Variants in L2HGDH observed in about 807,000 individuals in gnomAD.
L2HGDH encodes L-2-hydroxyglutarate dehydrogenase, also known as L-2-hydroxyglutarate dehydrogenase, mitochondrial.
L2HGDH carries 34 observed loss-of-function variants against 51.5 expected under a neutral mutation model. The ratio of observed to expected loss-of-function variants is 0.66; its 90% confidence interval spans 0.50 to 0.88. The LOEUF (loss-of-function observed/expected upper bound fraction) is 0.88, where lower values mean the gene tolerates loss of function less well. Among genes scored for constraint, L2HGDH ranks in the 40% least tolerant of loss-of-function variants. The pLI, the probability that L2HGDH is intolerant of heterozygous loss-of-function variation, is 0.00. For synonymous variants in L2HGDH, 198 were observed against 197.9 expected (o/e 1.00, Z -0.01); for missense variants, 558 against 571.9 (o/e 0.98, Z 0.25).
At chr14:50,258,927 G>A (rs997655091) in intron 9 of L2HGDH, among the ~76,000 whole-genome samples, 5 of 151,096 alleles carry the variant, frequency 3.3e-5, no homozygotes, top group East Asian at 3.9e-4. Flanking sequence ...CTGCTGCCTC[G>A]ACCACTAGGC....
chr14:50,271,539 T>C (rs925885185), intron 6 of L2HGDH, among the ~76,000 whole-genome samples: 4 of 152,286 alleles, frequency 2.6e-5, no homozygotes, highest in African/African-American at 9.6e-5. Context: ...GATACATTAG[T>C]TCAACAAAAA....
intron 2 of L2HGDH, 143 bp downstream of exon 2, chr14:50,302,759 T>TATAGCC: frequency 1.4e-6 from 1 of 702,982 alleles, no homozygotes. Context: ...TCAAATAACC[T>TATAGCC]ATAGCCATGT....
At chr14:50,278,600 A>G (rs1890099559) in intron 5 of L2HGDH, 46 bp from the exon 6 acceptor site, 1 of 1,019,700 alleles carries the variant, frequency 9.8e-7, no homozygotes, top group African/African-American at 1.6e-5. Context: ...GCAAAAGGCC[A>G]ACATTATTTG....
chr14:50,304,943 G>A (rs1447877323), intron 1 of L2HGDH, among the ~76,000 whole-genome samples: 3 of 152,166 alleles, frequency 2.0e-5, no homozygotes, highest in Non-Finnish European at 4.4e-5. Context: ...GGATCTTATA[G>A]GAACTGTAGA....
intron 9 of L2HGDH, among the ~76,000 whole-genome samples, chr14:50,263,469 AAG>A (rs1442012380): frequency 1.3e-5 from 2 of 152,228 alleles, no homozygotes; most frequent in African/African-American, 4.8e-5. Context: ...ACGCTCCCCT[AAG>A]AGAGACAGCT....
At chr14:50,282,610 A>G (rs1890333392) in intron 5 of L2HGDH, 2 of 434,348 alleles carry the variant, frequency 4.6e-6, no homozygotes, top group Non-Finnish European at 9.3e-6. Context: ...CACTACTTGT[A>G]CAACCATGGC....
intron 9 of L2HGDH, among the ~76,000 whole-genome samples, chr14:50,262,264 T>C (rs184628623): frequency 6.6e-6 from 1 of 152,082 alleles, no homozygotes; most frequent in Non-Finnish European, 1.5e-5. Flanking sequence ...ACCCTGTCTC[T>C]ATTAAAAATA....
chr14:50,300,987 G>T (rs555879375), intron 3 of L2HGDH, among the ~76,000 whole-genome samples: 2 of 152,010 alleles, frequency 1.3e-5, no homozygotes, highest in African/African-American at 4.8e-5. Context: ...ACCGCACCCG[G>T]CTAACTTTTT....
intron 6 of L2HGDH, among the ~76,000 whole-genome samples, chr14:50,270,729 A>G (rs1889630877): frequency 6.6e-6 from 1 of 151,600 alleles, no homozygotes; most frequent in Non-Finnish European, 1.5e-5. Context: ...GATGGTCTCG[A>G]TCTCCTGACC....
chr14:50,277,828 T>G (rs1890059870), intron 6 of L2HGDH, among the ~76,000 whole-genome samples: 3 of 137,676 alleles, frequency 2.2e-5, no homozygotes, highest in Non-Finnish European at 4.7e-5. Flanking sequence ...ATAATAATAA[T>G]CTGGTGGCAG....
chr14:50,243,589 C>T lies in L2HGDH; in HGVS notation c.*3469G>A, dbSNP rs1309021648. 11 of 822,012 alleles carry T rather than the reference C, an allele frequency of 1.3e-5. No homozygotes were observed. Among genetic ancestry groups the T allele is most frequent in the South Asian group, 1.1e-4 (2 of 17,758 alleles). The allele number at this position is 822,012 out of a possible 1,614,324, so 50.9% of individuals were successfully genotyped here. A position where few individuals can be genotyped will look rare whatever the true frequency, so the allele number is the denominator to read the frequency against. ...AAACCCTATTGACATACATATAAAA[C>T]GTTTTACAAGCAGAATAACCTACAT... On this transcript the variant is annotated 3_prime_UTR_variant, in exon 10 of 10. Transcript: ENST00000267436.
chr14:50,269,336 G>A lies in L2HGDH; in HGVS notation c.739-6C>T, dbSNP rs1454496016. Reference sequence around the variant, plus strand: ...TGACATCGAATTTCCTCTCCCTAGTGCAAAATAAAAGAACAGTTATTTGTA... The same window carrying A: ...TGACATCGAATTTCCTCTCCCTAGTACAAAATAAAAGAACAGTTATTTGTA... On this transcript the variant is annotated splice_polypyrimidine_tract_variant and splice_region_variant and intron_variant, in intron 6 of 9. Coordinates refer to ENST00000267436, the MANE Select transcript of L2HGDH (RefSeq NM_024884.3). The A allele has an allele frequency of 3.7e-6, 6 of 1,613,436 alleles. No homozygotes were observed. The South Asian group carries it at 6.6e-5, about 18-fold the overall frequency.
intron 7 of L2HGDH, among the ~76,000 whole-genome samples, chr14:50,268,216 T>A (rs1026893989): frequency 7.9e-5 from 12 of 151,654 alleles, no homozygotes; most frequent in African/African-American, 2.9e-4. Context: ...CCATCTCTAC[T>A]AAAAATACAA....
chr14:50,272,767 A>C (rs11157734), intron 6 of L2HGDH, among the ~76,000 whole-genome samples: 87,177 of 151,976 alleles, frequency 0.57, 25,018 homozygotes, highest in East Asian at 0.66. Context: ...ACGTAAGTTG[A>C]AGAGGCAAGT....
intron 4 of L2HGDH, among the ~76,000 whole-genome samples, chr14:50,289,127 C>G (rs1161729788): frequency 6.6e-6 from 1 of 152,152 alleles, no homozygotes; most frequent in Non-Finnish European, 1.5e-5. Context: ...CTCCTAATTT[C>G]TTAATTTTAA....
chr14:50,303,443 T>C (rs1364460997), intron 1 of L2HGDH, among the ~76,000 whole-genome samples: 1 of 143,148 alleles, frequency 7.0e-6, no homozygotes, highest in Non-Finnish European at 1.5e-5. Context: ...CCTGTGCTGT[T>C]TGGTTTCACA....
intron 3 of L2HGDH, among the ~76,000 whole-genome samples, chr14:50,298,535 G>C (rs374415681): frequency 6.6e-6 from 1 of 152,004 alleles, no homozygotes; most frequent in Non-Finnish European, 1.5e-5. Context: ...GTCTGGTCTC[G>C]AACTCCTGAC....
chr14:50,244,562 A>G lies in L2HGDH; in HGVS notation c.*2496T>C. The G allele has an allele frequency of 1.0e-6, 1 of 985,468 alleles. No individual in the cohort carries two copies. The highest frequency in any genetic ancestry group is 1.2e-6 in the Non-Finnish European group (1 of 829,942). The allele number at this position is 985,468 out of a possible 1,614,324, so 61.0% of individuals were successfully genotyped here. On this transcript the variant is annotated 3_prime_UTR_variant, in exon 10 of 10. Coordinates refer to ENST00000267436, the MANE Select transcript of L2HGDH (RefSeq NM_024884.3). ...TTTCTTGCAGGAATCAGCTGTTATA[A>G]AGAAACATTAGGGCTTGTTTCTTCT...
At chr14:50,264,104 G>T (rs1694429092) in intron 9 of L2HGDH, among the ~76,000 whole-genome samples, 1 of 151,562 alleles carries the variant, frequency 6.6e-6, no homozygotes, top group South Asian at 2.1e-4. Flanking sequence ...ATGTGGCTGG[G>T]TGCAGTGGCT....
Sources: gnomAD v4.1 joint callset for allele counts (sites outside exome capture counted in the v4.1 genomes callset) on GRCh38, gnomAD v4.1.1 for gene constraint, MANE v1.5 for transcripts, NCBI Gene and HGNC (gene_info 2026-07-23, HGNC 2026-07-21) for gene names.